The following EEFSEC variants were observed in gnomAD, a reference collection of about 807,000 sequenced individuals.
EEFSEC encodes selenocysteine-specific elongation factor.
EEFSEC carries 43 observed loss-of-function variants against 42.1 expected under a neutral mutation model. That is an observed-to-expected ratio of 1.02 (90% CI 0.80 to 1.32). The LOEUF (loss-of-function observed/expected upper bound fraction) is 1.32. EEFSEC is among the 40% of genes most tolerant of loss of function. EEFSEC has a pLI of 0.00. For synonymous variants in EEFSEC, 354 were observed against 339.1 expected (o/e 1.04, Z -0.48); for missense variants, 745 against 803.6 (o/e 0.93, Z 0.88).
chr3:128,163,800 G>C (rs556988511), intron 1 of EEFSEC, among the ~76,000 whole-genome samples: 1 of 152,148 alleles, frequency 6.6e-6, no homozygotes, highest in East Asian at 1.9e-4. Flanking sequence ...CACAATATGT[G>C]GCCTTTTTGT....
At chr3:128,216,620 C>T (rs548301974) in intron 1 of EEFSEC, among the ~76,000 whole-genome samples, 45 of 152,370 alleles carry the variant, frequency 3.0e-4, no homozygotes, top group African/African-American at 9.1e-4. Context: ...GATGGCTGGC[C>T]GTACATGGGG....
intron 1 of EEFSEC, among the ~76,000 whole-genome samples, chr3:128,234,102 GA>G (rs1288992315): frequency 6.6e-6 from 1 of 151,778 alleles, no homozygotes; most frequent in East Asian, 1.9e-4. Flanking sequence ...GCCCAGGCTG[GA>G]GTGCAGTGGT....
At chr3:128,260,237 C>T (rs1335850288) in intron 2 of EEFSEC, among the ~76,000 whole-genome samples, 4 of 152,132 alleles carry the variant, frequency 2.6e-5, no homozygotes, top group Non-Finnish European at 5.9e-5. Context: ...ATTATGGATT[C>T]CTTGTACATG....
chr3:128,286,138 G>A lies in EEFSEC; in HGVS notation c.786+21357G>A, dbSNP rs1436717936. Among the ~76,000 whole-genome samples, 6 of 152,364 alleles carry A rather than the reference G, an allele frequency of 3.9e-5. No homozygotes were observed. The East Asian group carries it at 1.2e-3, about 29-fold the overall frequency. On this transcript the variant is annotated intron_variant, in intron 4 of 6. Coordinates refer to ENST00000254730, the MANE Select transcript of EEFSEC (RefSeq NM_021937.5). ...TTTTCAGGTTTCTCTTTGCTGATAT[G>A]TACAGTCTCAGTTCATGAATTTTTA... is the stretch of plus-strand genomic sequence containing the variant.
At chr3:128,348,357 T>C (rs1378830734) in intron 5 of EEFSEC, among the ~76,000 whole-genome samples, 4 of 152,102 alleles carry the variant, frequency 2.6e-5, no homozygotes, top group African/African-American at 9.7e-5. Flanking sequence ...TGATTAAGGC[T>C]GTTTCTCATA....
intron 1 of EEFSEC, among the ~76,000 whole-genome samples, chr3:128,222,557 C>G (rs1318766956): frequency 6.6e-6 from 1 of 152,158 alleles, no homozygotes; most frequent in Non-Finnish European, 1.5e-5. Context: ...TAAATTTTCT[C>G]TGAAAACATG....
intron 1 of EEFSEC, among the ~76,000 whole-genome samples, chr3:128,174,511 C>T (rs781453819): frequency 1.5e-4 from 23 of 152,196 alleles, no homozygotes; most frequent in Non-Finnish European, 2.5e-4. Context: ...AGGTTTCAGA[C>T]TGCCTCAAAG....
intron 1 of EEFSEC, among the ~76,000 whole-genome samples, chr3:128,215,728 T>C (rs1268102993): frequency 3.9e-5 from 6 of 152,164 alleles, no homozygotes; most frequent in Non-Finnish European, 8.8e-5. Flanking sequence ...CAAATAATGT[T>C]GTTAGGACAC....
intron 6 of EEFSEC, chr3:128,367,555 T>A (rs1193755934): frequency 3.5e-6 from 3 of 859,846 alleles, no homozygotes; most frequent in African/African-American, 3.7e-5. Flanking sequence ...CTCCTGTGCC[T>A]GTAAGCAAGA....
intron 4 of EEFSEC, among the ~76,000 whole-genome samples, chr3:128,298,027 C>T (rs1387380619): frequency 6.6e-6 from 1 of 152,200 alleles, no homozygotes; most frequent in Non-Finnish European, 1.5e-5. Context: ...TGGGAATCCT[C>T]CCAGTTTACA....
intron 4 of EEFSEC, among the ~76,000 whole-genome samples, chr3:128,327,713 C>T (rs890307501): frequency 3.3e-5 from 5 of 152,132 alleles, no homozygotes; most frequent in Non-Finnish European, 7.4e-5. Flanking sequence ...GAGCACTGCA[C>T]AGATGCAGGA....
At chr3:128,301,312 C>T (rs564404087) in intron 4 of EEFSEC, among the ~76,000 whole-genome samples, 1 of 152,320 alleles carries the variant, frequency 6.6e-6, no homozygotes, top group East Asian at 1.9e-4. Flanking sequence ...CTTCCTTTTA[C>T]CTGGGCAGCT....
At chr3:128,204,374 T>G (rs1227601811) in intron 1 of EEFSEC, among the ~76,000 whole-genome samples, 1 of 152,244 alleles carries the variant, frequency 6.6e-6, no homozygotes, top group Non-Finnish European at 1.5e-5. Context: ...AAATATTAAC[T>G]GTTATTATTG....
chr3:128,357,814 G>A (rs954744217), intron 5 of EEFSEC, among the ~76,000 whole-genome samples: 1 of 151,858 alleles, frequency 6.6e-6, no homozygotes, highest in Non-Finnish European at 1.5e-5. Context: ...GGTGGGGGGG[G>A]CCTGCAACAG....
At chr3:128,192,387 G>A (rs1412017256) in intron 1 of EEFSEC, among the ~76,000 whole-genome samples, 4 of 152,118 alleles carry the variant, frequency 2.6e-5, no homozygotes, top group Non-Finnish European at 5.9e-5. Flanking sequence ...CCCTGGACCC[G>A]CTCTTCTCCT....
intron 6 of EEFSEC, among the ~76,000 whole-genome samples, chr3:128,365,529 C>T (rs1047104389): frequency 4.6e-5 from 7 of 152,108 alleles, no homozygotes; most frequent in African/African-American, 1.4e-4. Context: ...TATCCACTTA[C>T]GGCAGGGGCT....
At chr3:128,183,522 A>C (rs2065432372) in intron 1 of EEFSEC, among the ~76,000 whole-genome samples, 1 of 152,126 alleles carries the variant, frequency 6.6e-6, no homozygotes, top group Admixed American at 6.5e-5. Flanking sequence ...CATTCTTCCT[A>C]AGGAAGGCTT....
intron 6 of EEFSEC, among the ~76,000 whole-genome samples, chr3:128,373,636 G>A (rs1049909436): frequency 5.9e-5 from 9 of 152,188 alleles, no homozygotes; most frequent in Admixed American, 3.3e-4. Flanking sequence ...GGATCACCAC[G>A]TGCATGTCCA....
At chr3:128,357,188 C>A (rs888788666) in intron 5 of EEFSEC, among the ~76,000 whole-genome samples, 4 of 152,254 alleles carry the variant, frequency 2.6e-5, no homozygotes, top group Admixed American at 2.6e-4. Flanking sequence ...GCAAGGCCAC[C>A]TGGCCATGCT....
Sources: allele counts gnomAD v4.1 joint callset (sites outside exome capture counted in the v4.1 genomes callset), GRCh38; gene constraint gnomAD v4.1.1; transcripts MANE v1.5; gene names NCBI Gene and HGNC (gene_info 2026-07-23, HGNC 2026-07-21).